Variants in C12orf42 observed in about 807,000 individuals in gnomAD.
C12orf42 encodes the protein uncharacterized protein C12orf42.
Under a neutral mutation model 21.6 loss-of-function variants are expected in C12orf42, and 25 were observed. The observed-to-expected ratio is 1.16, with a 90% CI of 0.84 to 1.62. C12orf42 has a LOEUF of 1.62. C12orf42 is among the 40% of genes most tolerant of loss of function. The pLI is 0.00. For missense variants in C12orf42, 483 were observed against 459.3 expected (o/e 1.05, Z -0.47); for synonymous variants, 174 against 175.0 (o/e 0.99, Z 0.05).
downstream of C12orf42, among the ~76,000 whole-genome samples, chr12:103,265,973 C>G (rs1232278123): frequency 6.6e-6 from 1 of 152,044 alleles, no homozygotes. Context: ...GTGGGAAGGC[C>G]TCTTTCACAG....
At chr12:103,177,224 C>T in the C12orf42 span, among the ~76,000 whole-genome samples, 1 of 152,160 alleles carries the variant, frequency 6.6e-6, no homozygotes, top group African/African-American at 2.4e-5. Context: ...CCTAGAAAAT[C>T]AAGCCACACC....
At chr12:103,516,943 TC>T in the C12orf42 span, among the ~76,000 whole-genome samples, 1 of 152,004 alleles carries the variant, frequency 6.6e-6, no homozygotes, top group Non-Finnish European at 1.5e-5. Flanking sequence ...AGCAACAAAA[TC>T]CTGGAAAGAA....
chr12:103,451,444 G>T (rs905713611), intron 2 of C12orf42, among the ~76,000 whole-genome samples: 5 of 151,916 alleles, frequency 3.3e-5, no homozygotes, highest in African/African-American at 9.7e-5. Context: ...CTGCTCCTGG[G>T]TTCAAGGGAT....
At chr12:103,563,301 A>G in the C12orf42 span, among the ~76,000 whole-genome samples, 1 of 152,114 alleles carries the variant, frequency 6.6e-6, no homozygotes, top group South Asian at 2.1e-4. Context: ...CCCCTTGTCA[A>G]TTACCATGAT....
chr12:103,161,155 T>C, the C12orf42 span, among the ~76,000 whole-genome samples: 1 of 152,240 alleles, frequency 6.6e-6, no homozygotes, highest in Admixed American at 6.5e-5. Context: ...TTGCATAAAT[T>C]CTAAATCTTA....
At chr12:103,161,342 A>C in the C12orf42 span, 5 of 151,936 alleles carry the variant, frequency 3.3e-5, no homozygotes, top group African/African-American at 4.8e-5. Flanking sequence ...CATGTCCCAA[A>C]GTGACTAGTG....
chr12:103,361,832 C>A (rs2137715006), intron 4 of C12orf42, among the ~76,000 whole-genome samples: 1 of 152,194 alleles, frequency 6.6e-6, no homozygotes, highest in South Asian at 2.1e-4. Context: ...CCCCCATCCC[C>A]CACAGCAGCT....
the C12orf42 span, among the ~76,000 whole-genome samples, chr12:103,214,263 G>A: frequency 2.0e-5 from 3 of 152,140 alleles, no homozygotes; most frequent in Non-Finnish European, 4.4e-5. Context: ...AAATTTCATT[G>A]TACAGTCCAT....
At chr12:103,107,438 C>T in the C12orf42 span, among the ~76,000 whole-genome samples, 9 of 151,372 alleles carry the variant, frequency 5.9e-5, no homozygotes, top group East Asian at 1.9e-4. Flanking sequence ...TACCTTGGCA[C>T]GAGTAAGTAT....
the C12orf42 span, among the ~76,000 whole-genome samples, chr12:103,064,032 G>A: frequency 1.3e-5 from 2 of 152,184 alleles, no homozygotes; most frequent in Non-Finnish European, 2.9e-5. Context: ...AGCTGGAAAT[G>A]CCTGATCTCA....
the C12orf42 span, among the ~76,000 whole-genome samples, chr12:103,085,051 T>G: frequency 6.6e-6 from 1 of 152,164 alleles, no homozygotes; most frequent in Non-Finnish European, 1.5e-5. Context: ...AAATGAATGA[T>G]CTTTGTAGAG....
the C12orf42 span, among the ~76,000 whole-genome samples, chr12:103,125,318 T>TA: frequency 6.6e-6 from 1 of 152,008 alleles, no homozygotes; most frequent in Non-Finnish European, 1.5e-5. Flanking sequence ...GAGGTGATAC[T>TA]AAAAAAACCA....
At chr12:103,474,964 C>T (rs1229814920) in intron 2 of C12orf42, among the ~76,000 whole-genome samples, 3 of 152,150 alleles carry the variant, frequency 2.0e-5, no homozygotes, top group Non-Finnish European at 2.9e-5. Flanking sequence ...AGGCTTCTCT[C>T]CTGGTTAACA....
At chr12:103,312,615 T>A (rs570311273) in intron 4 of C12orf42, among the ~76,000 whole-genome samples, 1 of 152,292 alleles carries the variant, frequency 6.6e-6, no homozygotes, top group East Asian at 1.9e-4. Context: ...GGGCACAACT[T>A]TTCCCAACTA....
chr12:103,093,159 AT>A, the C12orf42 span, among the ~76,000 whole-genome samples: 2 of 152,182 alleles, frequency 1.3e-5, no homozygotes, highest in African/African-American at 4.8e-5. Context: ...TGCTGCAGTC[AT>A]TCATTTCTCA....
rs192100650 is a variant in C12orf42, at chr12:103,402,053, A to G, written c.79-378T>C. Among the ~76,000 whole-genome samples the G allele has an allele frequency of 8.4e-4, 128 of 152,268 alleles. 1 individual carries two copies. The highest frequency in any genetic ancestry group is 1.4e-3 in the Non-Finnish European group (98 of 68,014). ...ACCCTTTGCCATGTGACTTTGATGTACCTCCCATAGCCTGAAGCCCATCCC... is the reference window on the plus strand; with the variant it reads ...ACCCTTTGCCATGTGACTTTGATGTGCCTCCCATAGCCTGAAGCCCATCCC... On this transcript the variant is annotated intron_variant, in intron 2 of 5. Coordinates refer to ENST00000548883, the MANE Select transcript of C12orf42 (RefSeq NM_198521.5).
chr12:103,480,568 G>A (rs1489610317), intron 1 of C12orf42, among the ~76,000 whole-genome samples: 1 of 151,418 alleles, frequency 6.6e-6, no homozygotes, highest in Non-Finnish European at 1.5e-5. Flanking sequence ...TTAAATAAGT[G>A]TATTTTCTTC....
rs780263324 is a variant in C12orf42 at position 103,302,204 on chromosome 12, C to T, written c.987G>A (p.Lys329=). The T allele has an allele frequency of 2.5e-6, 4 of 1,612,166 alleles. No individual in the cohort carries two copies. The highest frequency in any genetic ancestry group is 1.7e-4 in the Middle Eastern group (1 of 5,906). Residue 329 remains lysine, a synonymous_variant, in exon 6 of 6, where the codon AAG becomes AAA. Transcript: ENST00000548883. ...STHFPSKRLI[K]VCSSAPPRPT... Reference sequence around the variant, plus strand: ...GGCGGGGGGGTGCTGAGGAGCAAACCTTTATTAACCTCTTGGAGGGGAAAT... The same window carrying T: ...GGCGGGGGGGTGCTGAGGAGCAAACTTTTATTAACCTCTTGGAGGGGAAAT...
chr12:103,123,237 G>A, the C12orf42 span, among the ~76,000 whole-genome samples: 8 of 152,154 alleles, frequency 5.3e-5, no homozygotes, highest in South Asian at 6.2e-4. Flanking sequence ...GTTACCTAAG[G>A]AAAAATTCAG....
Sources: allele counts gnomAD v4.1 joint callset (sites outside exome capture counted in the v4.1 genomes callset), GRCh38; gene constraint gnomAD v4.1.1; transcripts MANE v1.5; gene names NCBI Gene and HGNC (gene_info 2026-07-23, HGNC 2026-07-21).